SPRED2: variants seen among roughly 807,000 people sequenced by gnomAD.
The protein encoded by SPRED2 is sprouty related EVH1 domain containing 2.
SPRED2 carries 47 observed loss-of-function variants against 43.0 expected under a neutral mutation model. The ratio of observed to expected loss-of-function variants is 1.09; its 90% CI spans 0.87 to 1.40. The LOEUF is 1.40. Among genes scored for constraint, SPRED2 ranks in the 40% most tolerant of loss-of-function variants. The pLI is 0.00. For missense variants in SPRED2, 561 were observed against 586.4 expected (o/e 0.96, Z 0.45); for synonymous variants, 225 against 225.7 (o/e 1.00, Z 0.03).
chr2:65,360,079 C>CAAAAAAAAAAAAAAAAAAAAAAAAAAAA (rs143422380), intron 1 of SPRED2, among the ~76,000 whole-genome samples: 1 of 93,704 alleles, frequency 1.1e-5, no homozygotes, highest in African/African-American at 5.2e-5. Context: ...AAAAAAAAAA[C>CAAAAAAAAAAAAAAAAAAAAAAAAAAAA]AAAAAAAAAC....
intron 1 of SPRED2, among the ~76,000 whole-genome samples, chr2:65,427,074 A>C (rs1383199745): frequency 3.3e-5 from 5 of 151,852 alleles, no homozygotes; most frequent in Non-Finnish European, 7.4e-5. Context: ...CTTACTTTTA[A>C]GATTTTTTTT....
chr2:65,379,297 A>C lies in SPRED2; in HGVS notation c.27-34401T>G, dbSNP rs189498518. ...AGCAGCTTATGTTAGCTACAGAAAA[A>C]CTCCTGTTTTAAGAGGCTGAGGGGT... On this transcript the variant is annotated intron_variant, in intron 1 of 5. Coordinates refer to ENST00000356388, the MANE Select transcript of SPRED2 (RefSeq NM_181784.3). 1.3e-3 allele frequency among the ~76,000 whole-genome samples: 203 copies of C among 151,444 alleles called. 4 individuals carry two copies. Among genetic ancestry groups the C allele is most frequent in the Non-Finnish European group, 1.2e-4 (8 of 67,870 alleles).
At chr2:65,393,326 C>CTTTTTTTTTT (rs55696467) in intron 1 of SPRED2, among the ~76,000 whole-genome samples, 2 of 141,692 alleles carry the variant, frequency 1.4e-5, no homozygotes, top group African/African-American at 2.6e-5. Context: ...AATCATAAGG[C>CTTTTTTTTTT]TTTTTTTTTT....
chr2:65,337,514 C>T (rs1013280530), intron 2 of SPRED2, among the ~76,000 whole-genome samples: 4 of 152,182 alleles, frequency 2.6e-5, no homozygotes, highest in African/African-American at 9.7e-5. Context: ...CGTCAACATC[C>T]CTCTCTGTCG....
At chr2:65,389,965 TAACAA>T (rs1170202412) in intron 1 of SPRED2, among the ~76,000 whole-genome samples, 1 of 152,200 alleles carries the variant, frequency 6.6e-6, no homozygotes, top group African/African-American at 2.4e-5. Flanking sequence ...ATAATACTGT[TAACAA>T]AACAATGTGC....
intron 4 of SPRED2, among the ~76,000 whole-genome samples, chr2:65,326,452 T>G (rs1483744260): frequency 6.6e-6 from 1 of 152,200 alleles, no homozygotes; most frequent in Non-Finnish European, 1.5e-5. Flanking sequence ...CCTACGTTGG[T>G]TCCAGGTGTC....
chr2:65,417,689 A>G (rs1051578207), intron 1 of SPRED2, among the ~76,000 whole-genome samples: 5 of 152,200 alleles, frequency 3.3e-5, no homozygotes, highest in African/African-American at 1.2e-4. Context: ...TATCTCACTG[A>G]TCTAGCCCAA....
chr2:65,319,736 A>G (rs1673357442), intron 4 of SPRED2, among the ~76,000 whole-genome samples: 1 of 151,338 alleles, frequency 6.6e-6, no homozygotes, highest in South Asian at 2.1e-4. Flanking sequence ...GCCCTGAGCT[A>G]CTTGTGGACA....
At position 65,311,887 on chromosome 2, in the gene SPRED2, T is replaced by C. The variant is rs1302640038; in HGVS notation, c.*1614A>G. The stretch of plus-strand genomic sequence containing the variant: ...ATTGGCAGACTGGAAAAAAGTCCCT[T>C]TCCTTGAAGACTGGTGTCCTGTGTG... On this transcript the variant is annotated 3_prime_UTR_variant, in exon 6 of 6. Coordinates refer to ENST00000356388, the MANE Select transcript of SPRED2 (RefSeq NM_181784.3). 4.1e-6 allele frequency: 4 copies of C among 985,396 alleles called. No individual in the cohort carries two copies. In the African/African-American group the frequency reaches 5.2e-5, roughly 13 times the overall value. 61.0% of individuals were successfully genotyped at this position (985,396 alleles called of 1,614,324 possible).
intron 4 of SPRED2, 49 bp downstream of exon 4, chr2:65,331,938 C>T (rs1344723637): frequency 6.9e-7 from 1 of 1,450,612 alleles, no homozygotes; most frequent in East Asian, 2.3e-5. Context: ...AAACCTTTCT[C>T]TGATTATTCA....
At chr2:65,318,089 T>C (rs1421463603) in intron 4 of SPRED2, among the ~76,000 whole-genome samples, 3 of 152,126 alleles carry the variant, frequency 2.0e-5, no homozygotes, top group African/African-American at 7.2e-5. Context: ...GTCTTTCCCG[T>C]GCTGTCCTCG....
At chr2:65,314,350 A>C (rs1673174772) in intron 5 of SPRED2, among the ~76,000 whole-genome samples, 181 bp from the exon 6 acceptor site, 1 of 152,232 alleles carries the variant, frequency 6.6e-6, no homozygotes, top group African/African-American at 2.4e-5. Context: ...TCGCCCAGTC[A>C]GAGATGTATT....
At chr2:65,423,331 T>C (rs1676481221) in intron 1 of SPRED2, among the ~76,000 whole-genome samples, 1 of 152,206 alleles carries the variant, frequency 6.6e-6, no homozygotes, top group Non-Finnish European at 1.5e-5. Flanking sequence ...AGGATGCTAT[T>C]ACAGGTAGGT....
intron 1 of SPRED2, among the ~76,000 whole-genome samples, chr2:65,375,551 AAAGT>A (rs769962136): frequency 1.3e-5 from 2 of 152,362 alleles, no homozygotes; most frequent in East Asian, 3.9e-4. Flanking sequence ...AAGTTTCATT[AAAGT>A]AAGTGTCAGC....
At chr2:65,361,917 C>A (rs1188310930) in intron 1 of SPRED2, among the ~76,000 whole-genome samples, 2 of 152,152 alleles carry the variant, frequency 1.3e-5, no homozygotes, top group Non-Finnish European at 2.9e-5. Context: ...AGGGCCAGGG[C>A]AACAACAGGC....
chr2:65,379,190 T>C (rs1240958912), intron 1 of SPRED2, among the ~76,000 whole-genome samples: 1 of 152,148 alleles, frequency 6.6e-6, no homozygotes, highest in African/African-American at 2.4e-5. Flanking sequence ...AATATCAGGA[T>C]TGCAGTGGAT....
At chr2:65,369,631 C>A (rs994497761) in intron 1 of SPRED2, among the ~76,000 whole-genome samples, 1 of 35,456 alleles carries the variant, frequency 2.8e-5, no homozygotes, top group African/African-American at 1.2e-4. Context: ...CTTAATTATG[C>A]AATTTCTAGT....
chr2:65,334,970 C>T (rs552768415), intron 2 of SPRED2, among the ~76,000 whole-genome samples, 197 bp from the exon 3 acceptor site: 1 of 152,338 alleles, frequency 6.6e-6, no homozygotes, highest in African/African-American at 2.4e-5. Flanking sequence ...CGCTGCTCCC[C>T]ACTGTCCTGG....
chr2:65,318,835 C>T (rs903870159), intron 4 of SPRED2, among the ~76,000 whole-genome samples: 6 of 151,782 alleles, frequency 4.0e-5, no homozygotes, highest in Non-Finnish European at 7.4e-5. Context: ...TTTGTAGAGA[C>T]GGGGGTCTTG....
Sources: gnomAD v4.1 joint callset for allele counts (sites outside exome capture counted in the v4.1 genomes callset) on GRCh38, gnomAD v4.1.1 for gene constraint, MANE v1.5 for transcripts, NCBI Gene and HGNC (gene_info 2026-07-23, HGNC 2026-07-21) for gene names.